IGF2R: variants seen among roughly 807,000 people sequenced by gnomAD.
IGF2R encodes cation-independent mannose-6-phosphate receptor.
In IGF2R, 91 loss-of-function variants were observed where a neutral mutation model predicts 270.6. That is an observed-to-expected ratio of 0.34 (90% CI 0.28 to 0.40). The LOEUF (loss-of-function observed/expected upper bound fraction) is 0.40, where lower values mean the gene tolerates loss of function less well. Among genes scored for constraint, IGF2R ranks in the 10% least tolerant of loss-of-function variants. The probability of loss-of-function intolerance (pLI) is 1.00; values close to 1 mark genes in which losing one functional copy is unlikely to be tolerated. For missense variants in IGF2R, 2,805 were observed against 3,188.3 expected, an observed-to-expected ratio of 0.88 and a Z score of 2.90; for synonymous variants, 1,316 against 1,258.9, an observed-to-expected ratio of 1.05 and a Z score of -0.96.
At chr6:160,043,581 G>T (rs1777995503) in intron 12 of IGF2R, among the ~76,000 whole-genome samples, 1 of 152,232 alleles carries the variant, frequency 6.6e-6, no homozygotes, top group Non-Finnish European at 1.5e-5. Flanking sequence ...GAATAACATT[G>T]CCAGTGTTTG....
intron 44 of IGF2R, chr6:160,090,395 A>G (rs889339769): frequency 4.7e-6 from 1 of 214,746 alleles, no homozygotes; most frequent in African/African-American, 2.3e-5. Flanking sequence ...AGCTGTGCAC[A>G]GTCAGAATTG....
intron 1 of IGF2R, among the ~76,000 whole-genome samples, chr6:159,981,882 G>C (rs142101966): frequency 7.4e-4 from 113 of 152,332 alleles, no homozygotes; most frequent in African/African-American, 2.6e-3. Context: ...CATACACCGG[G>C]CTTCCTTCCA....
intron 4 of IGF2R, among the ~76,000 whole-genome samples, chr6:160,015,933 C>G (rs181702860): frequency 3.3e-5 from 5 of 152,330 alleles, no homozygotes; most frequent in African/African-American, 1.2e-4. Context: ...TATGCTTGCT[C>G]CCACTTCACC....
At chr6:159,985,151 A>G (rs1783862799) in intron 1 of IGF2R, among the ~76,000 whole-genome samples, 1 of 152,240 alleles carries the variant, frequency 6.6e-6, no homozygotes, top group Non-Finnish European at 1.5e-5. Flanking sequence ...TATGCCATAC[A>G]GAGTCTGTCC....
At chr6:160,061,447 C>T (rs1583285771) in intron 23 of IGF2R, 56 bp from the exon 24 acceptor site, 1 of 1,571,122 alleles carries the variant, frequency 6.4e-7, no homozygotes. Flanking sequence ...AAAGGCAGTT[C>T]TTGAGTGCTC....
At chr6:160,008,415 A>G (rs77153070) in intron 2 of IGF2R, among the ~76,000 whole-genome samples, 1 of 152,184 alleles carries the variant, frequency 6.6e-6, no homozygotes, top group Non-Finnish European at 1.5e-5. Context: ...TCTTTTGATC[A>G]GTTTATTCCT....
In IGF2R at chr6:160,077,398, G is replaced by A. The variant is rs1319642519; in HGVS notation, c.5317-803G>A. ...ACTTCTAAGACCCACCTCATCATGA[G>A]TGATGCTTTGTTATCTACACCACCA... is the stretch of plus-strand genomic sequence containing the variant. On this transcript the variant is annotated intron_variant, in intron 36 of 47. Transcript: ENST00000356956. Among the ~76,000 whole-genome samples, 3 of 152,202 alleles carry A rather than the reference G, an allele frequency of 2.0e-5. No individual in the cohort carries two copies. The South Asian group carries it at 6.2e-4, about 31-fold the overall frequency.
chr6:160,049,682 A>G (rs1337321864), intron 18 of IGF2R, among the ~76,000 whole-genome samples: 6 of 152,298 alleles, frequency 3.9e-5, no homozygotes, highest in Non-Finnish European at 8.8e-5. Context: ...TGTGTTCGGA[A>G]AGTTTAGCGG....
At chr6:160,002,825 G>A (rs1784150601) in intron 2 of IGF2R, among the ~76,000 whole-genome samples, 1 of 152,054 alleles carries the variant, frequency 6.6e-6, no homozygotes, top group South Asian at 2.1e-4. Context: ...TATAAACTTT[G>A]GATTGGAGTT....
chr6:160,073,438 C>T lies in IGF2R; in HGVS notation c.4916C>T (p.Ser1639Phe), dbSNP rs1778788260. 2.5e-6 allele frequency: 4 copies of T among 1,614,148 alleles called. No homozygotes were observed. The highest frequency in any genetic ancestry group is 1.1e-5 in the South Asian group (1 of 91,092). ...AAGCAGACATGCACTCTCTTCTTCT[C>T]CTGGCACACGCCGCTGGCCTGCGAG... ...LDKQTCTLFF[S>F]WHTPLACEQA... The change falls in exon 34 of 48, where the codon TCC becomes TTC. Residue 1639 changes from serine to phenylalanine, a missense_variant. Around this residue, in one of 2 missense-constraint regions of IGF2R, gnomAD observed 1,851 missense variants for 2,207.2 expected, o/e 0.84. Coordinates refer to ENST00000356956, the MANE Select transcript of IGF2R (RefSeq NM_000876.4).
At chr6:160,039,384 T>C (rs1442505061) in intron 10 of IGF2R, among the ~76,000 whole-genome samples, 1 of 152,212 alleles carries the variant, frequency 6.6e-6, no homozygotes, top group Non-Finnish European at 1.5e-5. Flanking sequence ...GTTGACCAAA[T>C]GTTGTTATGC....
At chr6:160,000,681 C>T (rs1010391790) in intron 2 of IGF2R, among the ~76,000 whole-genome samples, 4 of 146,994 alleles carry the variant, frequency 2.7e-5, no homozygotes, top group East Asian at 2.0e-4. Flanking sequence ...TGTAGGAAGA[C>T]GGTTGTCTCT....
chr6:160,083,278 C>A (rs1032746908), intron 39 of IGF2R, among the ~76,000 whole-genome samples: 1 of 152,184 alleles, frequency 6.6e-6, no homozygotes, highest in Non-Finnish European at 1.5e-5. Flanking sequence ...AACATCTCAG[C>A]GGAGTAAAGA....
At chr6:160,027,821 T>A (rs956742633) in intron 6 of IGF2R, among the ~76,000 whole-genome samples, 1 of 152,236 alleles carries the variant, frequency 6.6e-6, no homozygotes, top group Non-Finnish European at 1.5e-5. Flanking sequence ...TTGGCAGACA[T>A]ACGCATTTCT....
rs1218489214 is a variant in IGF2R, at chr6:160,084,600, A to G, written c.6069-395A>G. ...CTGCGTGGGGAGCGCCCGCTTGGCC[A>G]GGTGCTCCTGCAAGACATCACCGAG... On this transcript the variant is annotated intron_variant, in intron 40 of 47. Coordinates refer to ENST00000356956, the MANE Select transcript of IGF2R (RefSeq NM_000876.4). The surrounding 1 kb of genome is among the most constrained non-coding windows in gnomAD (Gnocchi z 4.6). 6.6e-6 allele frequency among the ~76,000 whole-genome samples: 1 copy of G among 152,144 alleles called. No individual in the cohort carries two copies. Among genetic ancestry groups the G allele is most frequent in the Admixed American group, 6.5e-5 (1 of 15,282 alleles).
rs372347541 is a variant in IGF2R at position 160,050,632 on chromosome 6, G to C, written c.2674G>C (p.Val892Leu). The change falls in exon 19 of 48, where the codon GTC (valine) becomes CTC (leucine). Residue 892 changes from valine to leucine, a missense_variant. This residue lies in a region of IGF2R where 1,851 missense variants were observed against 2,207.2 expected (regional missense o/e 0.84). Transcript: ENST00000356956. The surrounding 1 kb of genome is among the most constrained non-coding windows in gnomAD (Gnocchi z 4.0). The stretch of plus-strand genomic sequence containing the variant: ...CACATATACCACGAGGATCCATCTC[G>C]TCTGCTCCAGGGGCAGGCTGGTAAG... ...QTTYTTRIHL[V>L]CSRGRLNSHP... 1 of 1,608,574 alleles carries C rather than the reference G, an allele frequency of 6.2e-7. No individual in the cohort carries two copies. Among genetic ancestry groups the C allele is most frequent in the East Asian group, 2.2e-5 (1 of 44,688 alleles).
Position 160,102,355 on chromosome 6 carries a change from C to T in IGF2R, c.6843-164C>T, listed in dbSNP as rs571691620. ...TCAGGAACTTTTTGCAGCCCTCTTC[C>T]ATGTGGAGTGGGACTTGTGGCCTTG... On this transcript the variant is annotated intron_variant, in intron 45 of 47. Coordinates refer to ENST00000356956, the MANE Select transcript of IGF2R (RefSeq NM_000876.4). This position sits in a 1 kb window ranked among gnomAD's most constrained non-coding sequence, Gnocchi z 4.5. Among the ~76,000 whole-genome samples the T allele has an allele frequency of 6.6e-6, 1 of 152,338 alleles. No homozygotes were observed. Among genetic ancestry groups the T allele is most frequent in the South Asian group, 2.1e-4 (1 of 4,828 alleles).
intron 18 of IGF2R, among the ~76,000 whole-genome samples, chr6:160,049,595 G>T (rs1396655350): frequency 6.6e-6 from 1 of 152,182 alleles, no homozygotes; most frequent in East Asian, 1.9e-4. Flanking sequence ...GCGCTGCACT[G>T]CCTGGTAAGG....
chr6:160,071,828 A>G (rs1778745182), intron 31 of IGF2R, 82 bp from the exon 32 acceptor site: 1 of 1,554,070 alleles, frequency 6.4e-7, no homozygotes, highest in East Asian at 2.3e-5. Flanking sequence ...TTTTCAGAGA[A>G]GCTTCCACTT....
Sources: gnomAD v4.1 joint callset for allele counts (sites outside exome capture counted in the v4.1 genomes callset) on GRCh38, gnomAD v4.1.1 for gene constraint, gnomAD v4.1.1 regional missense constraint, Gnocchi (gnomAD v3.1) non-coding constraint, MANE v1.5 for transcripts, NCBI Gene and HGNC (gene_info 2026-07-23, HGNC 2026-07-21) for gene names.